Variants in TUG1 observed in about 807,000 individuals in gnomAD.
The protein encoded by TUG1 is taurine up-regulated 1, also known as taurine upregulated gene 1.
intron 1 of TUG1, chr22:30,972,170 T>C (rs2041238435): frequency 1.3e-5 from 2 of 152,182 alleles, no homozygotes; most frequent in Non-Finnish European, 2.9e-5. Flanking sequence ...GAATAACCAC[T>C]CAGTAAGTGT....
rs182249486 is a variant in TUG1 at position 30,971,100 on chromosome 22, G to A, written c.*1282G>A. 2.6e-5 allele frequency: 4 copies of A among 152,248 alleles called. No individual in the cohort carries two copies. The East Asian group carries it at 7.7e-4, about 29-fold the overall frequency. The allele number at this position is 152,248 out of a possible 1,614,324, so 9.4% of individuals were successfully genotyped here. A position where few individuals can be genotyped will look rare whatever the true frequency, so the allele number is the denominator to read the frequency against. On this transcript the variant is annotated 3_prime_UTR_variant, in exon 1 of 3. Transcript: ENST00000644773. ...GAACAATTGGATTTCAAACATTTTC[G>A]TTTTGTGGAGTGGTGCTCACCAAGT...
At chr22:30,975,974 CTGTA>C (rs1333591700) in exon 3 of TUG1, 1 of 151,556 alleles carries the variant, frequency 6.6e-6, no homozygotes, top group African/African-American at 2.4e-5. Context: ...CTACACATCA[CTGTA>C]TGACTCAACC....
chr22:30,974,439 T>G (rs192260268), intron 2 of TUG1: 39 of 152,314 alleles, frequency 2.6e-4, no homozygotes, highest in Non-Finnish European at 4.6e-4. Context: ...AGGATATTTT[T>G]TTGCATCATT....
intron 2 of TUG1, 91 bp downstream of exon 2, chr22:30,973,678 C>T (rs1470441568): frequency 6.6e-6 from 1 of 152,152 alleles, no homozygotes; most frequent in African/African-American, 2.4e-5. Flanking sequence ...ATCAAAATAA[C>T]AGTGAATTAT....
At chr22:30,974,606 C>T (rs1226780582) in intron 2 of TUG1, 1 of 152,174 alleles carries the variant, frequency 6.6e-6, no homozygotes, top group Non-Finnish European at 1.5e-5. Context: ...TCTCTGTCAT[C>T]TGAGAGTCTT....
At chr22:30,977,835 A>G (rs1157928312) in exon 3 of TUG1, 5 of 152,172 alleles carry the variant, frequency 3.3e-5, no homozygotes, top group South Asian at 2.1e-4. Flanking sequence ...CTAGGACTCA[A>G]TGTTCACAAC....
At chr22:30,973,136 T>A (rs924114385) in exon 2 of TUG1, 1 of 152,692 alleles carries the variant, frequency 6.5e-6, no homozygotes, top group Non-Finnish European at 1.5e-5. Flanking sequence ...AAAGCTGTTT[T>A]ATCACAACAA....
chr22:30,977,199 T>C (rs1244366102), exon 3 of TUG1: 2 of 152,296 alleles, frequency 1.3e-5, no homozygotes, highest in East Asian at 1.9e-4. Flanking sequence ...AACTTAAATC[T>C]AGGAGTCTGT....
At chr22:30,972,461 GA>G (rs1762829312) in intron 1 of TUG1, 1 of 152,194 alleles carries the variant, frequency 6.6e-6, no homozygotes, top group Non-Finnish European at 1.5e-5. Flanking sequence ...GGAAGAGGAA[GA>G]GGGGCAATGT....
chr22:30,978,551 T>C (rs959519781), exon 3 of TUG1: 1 of 152,140 alleles, frequency 6.6e-6, no homozygotes, highest in Non-Finnish European at 1.5e-5. Context: ...GACCCAACCT[T>C]GAGCTTTGTG....
chr22:30,974,920 C>G (rs1358572255), intron 2 of TUG1: 2 of 152,268 alleles, frequency 1.3e-5, no homozygotes, highest in South Asian at 4.1e-4. Context: ...GTAATACTTA[C>G]AAAGAATTGG....
chr22:30,977,928 A>G (rs1445719387), exon 3 of TUG1: 2 of 152,156 alleles, frequency 1.3e-5, no homozygotes, highest in Non-Finnish European at 2.9e-5. Context: ...CTATTCCTGT[A>G]TGTAATTGTT....
chr22:30,971,127 G>A (rs563885865), exon 1 of TUG1: 2 of 152,272 alleles, frequency 1.3e-5, no homozygotes, highest in South Asian at 2.1e-4. Flanking sequence ...TCACCAAGTG[G>A]TACAGCCCTA....
chr22:30,974,486 A>G (rs529407197), intron 2 of TUG1: 2 of 152,204 alleles, frequency 1.3e-5, no homozygotes, highest in Non-Finnish European at 2.9e-5. Flanking sequence ...CTAGAGCAGT[A>G]TAACCAGTGC....
At chr22:30,975,213 G>A (rs1366288637) in exon 3 of TUG1, 1 of 152,198 alleles carries the variant, frequency 6.6e-6, no homozygotes, top group African/African-American at 2.4e-5. Context: ...TTTTCCAAAG[G>A]CTTTGTGGCC....
chr22:30,972,320 T>C (rs559961093), intron 1 of TUG1: 4 of 152,344 alleles, frequency 2.6e-5, no homozygotes, highest in Non-Finnish European at 4.4e-5. Flanking sequence ...GAAACCAATA[T>C]GTTGAATGAT....
exon 3 of TUG1, chr22:30,978,090 A>G (rs144425466): frequency 6.6e-6 from 1 of 152,244 alleles, no homozygotes; most frequent in East Asian, 1.9e-4. Flanking sequence ...AAAAGAAGAA[A>G]AGTTTCCACT....
chr22:30,971,908 A>G (rs2041235116), intron 1 of TUG1, 129 bp downstream of exon 1: 1 of 152,060 alleles, frequency 6.6e-6, no homozygotes, highest in African/African-American at 2.4e-5. Flanking sequence ...TCAGTATCCA[A>G]CTCTTATGCC....
At chr22:30,978,302 G>C (rs1216809380) in exon 3 of TUG1, 1 of 152,186 alleles carries the variant, frequency 6.6e-6, no homozygotes, top group Non-Finnish European at 1.5e-5. Context: ...CAGACTTCTT[G>C]AGGACAGGAC....
Sources: allele counts gnomAD v4.1 joint callset, GRCh38; gene constraint gnomAD v4.1.1; transcripts MANE v1.5; gene names NCBI Gene and HGNC (gene_info 2026-07-23, HGNC 2026-07-21).